ATOH8: variants seen among roughly 807,000 people sequenced by gnomAD.
ATOH8 encodes atonal bHLH transcription factor 8, also known as transcription factor ATOH8.
A neutral mutation model predicts 21.2 loss-of-function variants in ATOH8; 9 were observed. The ratio of observed to expected loss-of-function variants is 0.42; its 90% confidence interval spans 0.26 to 0.74. The LOEUF (loss-of-function observed/expected upper bound fraction) is 0.74. ATOH8 is among the 30% of genes least tolerant of loss of function. The pLI, the probability that ATOH8 is intolerant of heterozygous loss-of-function variation, is 0.24. For missense variants in ATOH8, 524 were observed against 470.9 expected (o/e 1.11, Z -1.04); for synonymous variants, 253 against 224.0 (o/e 1.13, Z -1.16).
chr2:85,759,282 C>T (rs1349878029), intron 1 of ATOH8, among the ~76,000 whole-genome samples: 1 of 152,194 alleles, frequency 6.6e-6, no homozygotes, highest in Non-Finnish European at 1.5e-5. Flanking sequence ...AGGGACAGGC[C>T]TGCTTGCACT....
At position 85,754,454 on chromosome 2, in the gene ATOH8, G is replaced by C. The variant is rs747123720; in HGVS notation, c.265G>C (p.Gly89Arg). ...GGCGCCGGCCGTTCCCCCAAGAGGG[G>C]GCACGGACACAGCCGGGGAGCGCGG... is the stretch of plus-strand genomic sequence containing the variant. The part of the protein sequence containing the change: ...PVAPAVPPRG[G>R]TDTAGERGGS... Residue 89 changes from glycine (G) to arginine (R), a missense_variant, in exon 1 of 3, where the codon GGC becomes CGC. Transcript: ENST00000306279. The C allele has an allele frequency of 6.6e-7, 1 of 1,504,588 alleles. No homozygotes were observed. The highest frequency in any genetic ancestry group is 8.8e-7 in the Non-Finnish European group (1 of 1,136,070). The allele number at this position is 1,504,588 out of a possible 1,614,324, so 93.2% of individuals were successfully genotyped here. A position where few individuals can be genotyped will look rare whatever the true frequency, so the allele number is the denominator to read the frequency against.
Position 85,754,750 on chromosome 2 carries a change from CG to C in ATOH8, c.565del (p.Glu189LysfsTer10). 1 of 1,612,836 alleles carries C rather than the reference CG, an allele frequency of 6.2e-7. No individual in the cohort carries two copies. The highest frequency in any genetic ancestry group is 1.1e-5 in the South Asian group (1 of 91,084). On this transcript the variant is annotated frameshift_variant, in exon 1 of 3. Transcript: ENST00000306279. LOFTEE classifies it high-confidence loss of function. ...TGCGCCCTGCGCCCCCGACGCGCCC[CG>C]GGGAAAGTTCCTACTCGTCAATTTC... ...TVRPAPPTRP[G>X]ESSYSSISHV...
intron 2 of ATOH8, chr2:85,780,815 A>G: frequency 2.1e-6 from 2 of 951,032 alleles, no homozygotes; most frequent in Non-Finnish European, 2.5e-6. Context: ...AAGCCCGGAC[A>G]CAGCACTATC....
chr2:85,775,162 C>CT, intron 2 of ATOH8: 1 of 939,528 alleles, frequency 1.1e-6, no homozygotes, highest in Non-Finnish European at 1.3e-6. Context: ...TATTACATCC[C>CT]ATGACACTAT....
chr2:85,756,787 C>A (rs750674256), intron 1 of ATOH8, among the ~76,000 whole-genome samples: 1 of 152,158 alleles, frequency 6.6e-6, no homozygotes, highest in Non-Finnish European at 1.5e-5. Context: ...GCCCTCCTGG[C>A]CAAATGCTTC....
intron 2 of ATOH8, among the ~76,000 whole-genome samples, chr2:85,769,616 C>T (rs377263321): frequency 6.6e-5 from 10 of 152,322 alleles, no homozygotes; most frequent in African/African-American, 2.4e-4. Flanking sequence ...GTGCAGACCC[C>T]GTAGCTTCGG....
chr2:85,772,712 C>T (rs766208441), intron 2 of ATOH8: 4 of 456,724 alleles, frequency 8.8e-6, no homozygotes, highest in Admixed American at 7.1e-5. Flanking sequence ...AGAGGAAACT[C>T]GCTTATGAAT....
At chr2:85,782,572 G>A (rs1461511501) in intron 2 of ATOH8, among the ~76,000 whole-genome samples, 1 of 152,134 alleles carries the variant, frequency 6.6e-6, no homozygotes, top group African/African-American at 2.4e-5. Context: ...TTACAAAAAT[G>A]CTCAATGTTA....
Position 85,790,100 on chromosome 2 carries a change from C to G in ATOH8, c.*3210C>G, listed in dbSNP as rs148876535. ...GAGACCCTCAGCAAAATATAAATGA[C>G]GAGGAGCTGCCCTCATGGGGCCCTG... On this transcript the variant is annotated 3_prime_UTR_variant, in exon 3 of 3. Transcript: ENST00000306279. 6.6e-6 allele frequency among the ~76,000 whole-genome samples: 1 copy of G among 152,208 alleles called. No individual in the cohort carries two copies. Among genetic ancestry groups the G allele is most frequent in the Non-Finnish European group, 1.5e-5 (1 of 68,044 alleles).
In ATOH8 at chr2:85,761,994, T is replaced by A. The variant is rs532673878; in HGVS notation, c.769-1997T>A. ...TCTTCTCCCTCTCTGGGTTTCCTAG[T>A]CTCAGCACCCCCAGAGGGTGGAGGG... On this transcript the variant is annotated intron_variant, in intron 1 of 2. Coordinates refer to ENST00000306279, the MANE Select transcript of ATOH8 (RefSeq NM_032827.7). Among the ~76,000 whole-genome samples, 36 of 152,174 alleles carry A rather than the reference T, an allele frequency of 2.4e-4. 2 individuals are homozygous for A. In the South Asian group the frequency reaches 7.1e-3, roughly 30 times the overall value.
chr2:85,772,550 C>T (rs940005407), intron 2 of ATOH8: 21 of 370,436 alleles, frequency 5.7e-5, no homozygotes, highest in African/African-American at 4.3e-4. Flanking sequence ...CTTGGCAGCC[C>T]GCCCGGCCCT....
In ATOH8 at chr2:85,786,986, C is replaced by T. The variant is rs537499981; in HGVS notation, c.*96C>T. ...TCGCTGAGTCCAGCCTCGTGGTCTT[C>T]TCCAAGATGCCGCCAGATGCCCAGC... On this transcript the variant is annotated 3_prime_UTR_variant, in exon 3 of 3. Coordinates refer to ENST00000306279, the MANE Select transcript of ATOH8 (RefSeq NM_032827.7). 1.9e-6 allele frequency: 3 copies of T among 1,539,452 alleles called. No homozygotes were observed. The African/African-American group carries it at 4.1e-5, about 21-fold the overall frequency.
intron 2 of ATOH8, chr2:85,772,648 C>G (rs149676749): frequency 1.1e-5 from 5 of 452,242 alleles, no homozygotes; most frequent in African/African-American, 1.0e-4. Context: ...TACAACAGCG[C>G]GAGCAGCTGG....
intron 1 of ATOH8, among the ~76,000 whole-genome samples, chr2:85,757,528 T>A (rs1679743929): frequency 6.6e-6 from 1 of 152,274 alleles, no homozygotes; most frequent in Non-Finnish European, 1.5e-5. Flanking sequence ...GGATTGTGGC[T>A]CTGGCCTGGG....
At chr2:85,777,385 C>T (rs1035894449) in intron 2 of ATOH8, among the ~76,000 whole-genome samples, 3 of 152,136 alleles carry the variant, frequency 2.0e-5, no homozygotes, top group African/African-American at 7.2e-5. Flanking sequence ...AGATAGCACC[C>T]AGAATCAGCC....
chr2:85,760,067 G>A (rs1208867850), intron 1 of ATOH8, among the ~76,000 whole-genome samples: 1 of 152,054 alleles, frequency 6.6e-6, no homozygotes, highest in African/African-American at 2.4e-5. Context: ...CCAGGCCCTC[G>A]GGCTCCCAGG....
intron 1 of ATOH8, 55 bp downstream of exon 1, chr2:85,755,012 G>C: frequency 6.6e-7 from 1 of 1,514,790 alleles, no homozygotes; most frequent in Non-Finnish European, 8.8e-7. Flanking sequence ...TGCGGGAATG[G>C]GTGGGCGAGT....
chr2:85,757,717 C>T (rs1017317108), intron 1 of ATOH8, among the ~76,000 whole-genome samples: 2 of 151,962 alleles, frequency 1.3e-5, no homozygotes, highest in African/African-American at 4.8e-5. Context: ...CTGACCTCAT[C>T]CAGTGTTGAG....
At chr2:85,776,753 TGGCAG>T (rs1160464257) in intron 2 of ATOH8, among the ~76,000 whole-genome samples, 3 of 152,022 alleles carry the variant, frequency 2.0e-5, no homozygotes, top group South Asian at 2.1e-4. Context: ...GGACCCTCAG[TGGCAG>T]GGCAGGGCAG....
Sources: gnomAD v4.1 joint callset for allele counts (sites outside exome capture counted in the v4.1 genomes callset) on GRCh38, gnomAD v4.1.1 for gene constraint, MANE v1.5 for transcripts, NCBI Gene and HGNC (gene_info 2026-07-23, HGNC 2026-07-21) for gene names.